The following CORO1C variants were observed in gnomAD, a reference collection of about 807,000 sequenced individuals.
CORO1C encodes coronin 1C.
CORO1C carries 14 observed loss-of-function variants against 51.2 expected under a neutral mutation model. The observed-to-expected ratio is 0.27, with a 90% CI of 0.18 to 0.43. The LOEUF is 0.43. Ranked by LOEUF, CORO1C falls within the 20% of genes least tolerant of loss-of-function variation. The pLI is 1.00. For missense variants in CORO1C, 417 were observed against 607.8 expected (o/e 0.69, Z 3.30); for synonymous variants, 181 against 210.5 (o/e 0.86, Z 1.21).
chr12:108,675,182 A>G (rs1212844065), intron 3 of CORO1C, among the ~76,000 whole-genome samples: 3 of 151,606 alleles, frequency 2.0e-5, no homozygotes, highest in Admixed American at 6.6e-5. Flanking sequence ...TTTTAAATGT[A>G]TATATATATA....
At chr12:108,699,088 T>A (rs989774469) in intron 2 of CORO1C, among the ~76,000 whole-genome samples, 5 of 152,310 alleles carry the variant, frequency 3.3e-5, no homozygotes, top group African/African-American at 1.2e-4. Flanking sequence ...TCGATGCTCC[T>A]CTAAAAAGCA....
intron 3 of CORO1C, among the ~76,000 whole-genome samples, chr12:108,664,385 G>T (rs1297079947): frequency 1.3e-5 from 2 of 152,180 alleles, no homozygotes; most frequent in East Asian, 3.8e-4. Context: ...CAGTTCTACT[G>T]TCCTGCAAAA....
At chr12:108,671,180 T>A (rs1189843818) in intron 3 of CORO1C, among the ~76,000 whole-genome samples, 1 of 151,432 alleles carries the variant, frequency 6.6e-6, no homozygotes, top group Non-Finnish European at 1.5e-5. Context: ...ACAAAAAAAA[T>A]AGAAAATTAG....
At chr12:108,649,131 C>A in intron 8 of CORO1C, 111 bp from the exon 9 acceptor site, 1 of 1,245,004 alleles carries the variant, frequency 8.0e-7, no homozygotes, top group Non-Finnish European at 1.2e-6. Flanking sequence ...TGCTTCTTTA[C>A]CCATCCCCAC....
chr12:108,715,478 C>G (rs1283698006), intron 1 of CORO1C, among the ~76,000 whole-genome samples: 1 of 152,154 alleles, frequency 6.6e-6, no homozygotes, highest in Admixed American at 6.5e-5. Context: ...GCAAGGATGA[C>G]ATGTTTACAA....
At chr12:108,730,604 C>G (rs1176605346) in intron 1 of CORO1C, 2 of 152,594 alleles carry the variant, frequency 1.3e-5, no homozygotes, top group African/African-American at 4.8e-5. Context: ...CCAGCTGCCC[C>G]GCTATTAGGG....
At chr12:108,651,497 C>T (rs930375513) in intron 8 of CORO1C, among the ~76,000 whole-genome samples, 9 of 152,158 alleles carry the variant, frequency 5.9e-5, no homozygotes, top group South Asian at 2.1e-4. Flanking sequence ...TAACCTACCG[C>T]CCCATTATAG....
chr12:108,683,097 G>C (rs2136839511), intron 2 of CORO1C, among the ~76,000 whole-genome samples: 1 of 152,250 alleles, frequency 6.6e-6, no homozygotes, highest in African/African-American at 2.4e-5. Flanking sequence ...GTTAGAAAAT[G>C]AACAGAGTAC....
At chr12:108,698,595 C>T (rs1173160039) in intron 2 of CORO1C, among the ~76,000 whole-genome samples, 2 of 152,144 alleles carry the variant, frequency 1.3e-5, no homozygotes, top group African/African-American at 2.4e-5. Flanking sequence ...TTAGTAGAGA[C>T]GAGGTTTCAC....
chr12:108,648,137 G>A (rs1438063765), intron 10 of CORO1C, among the ~76,000 whole-genome samples: 2 of 152,022 alleles, frequency 1.3e-5, no homozygotes, highest in African/African-American at 4.8e-5. Context: ...GCCCCACACC[G>A]CCAGATCCTT....
intron 1 of CORO1C, among the ~76,000 whole-genome samples, chr12:108,705,807 G>A (rs2035012489): frequency 6.6e-6 from 1 of 152,134 alleles, no homozygotes; most frequent in Admixed American, 6.6e-5. Flanking sequence ...AGGAATGCGA[G>A]GTTGGGTCAA....
At chr12:108,700,948 G>T in intron 2 of CORO1C, 176 bp downstream of exon 2, 1 of 695,952 alleles carries the variant, frequency 1.4e-6, no homozygotes, top group Non-Finnish European at 2.5e-6. Context: ...TCTATTTAAT[G>T]ATTCTCTGTT....
At position 108,658,599 on chromosome 12, in the gene CORO1C, TA is replaced by T; in HGVS notation, c.630+138del. On this transcript the variant is annotated intron_variant, in intron 5 of 10. Coordinates refer to ENST00000261401, the MANE Select transcript of CORO1C (RefSeq NM_014325.4). This position sits in a 1 kb window ranked among gnomAD's most constrained non-coding sequence, Gnocchi z 4.9. ...ACAACTGGGGAGACAGAAGCCTTTATAAGCCTTCTCTTATTCACAGTTGGTG... is the reference window on the plus strand; with the variant it reads ...ACAACTGGGGAGACAGAAGCCTTTATAGCCTTCTCTTATTCACAGTTGGTG... The T allele has an allele frequency of 1.4e-6, 1 of 722,662 alleles. No individual in the cohort carries two copies. The allele number at this position is 722,662 out of a possible 1,614,324, so 44.8% of individuals were successfully genotyped here.
intron 8 of CORO1C, 24 bp from the exon 9 acceptor site, chr12:108,649,044 A>G (rs1358236068): frequency 6.2e-7 from 1 of 1,611,850 alleles, no homozygotes; most frequent in African/African-American, 1.3e-5. Flanking sequence ...ATAAAGGCAA[A>G]GTTGCATTAA....
chr12:108,728,373 A>G lies in CORO1C; in HGVS notation c.-6+3056T>C, dbSNP rs539706317. 2.0e-4 allele frequency among the ~76,000 whole-genome samples: 30 copies of G among 152,314 alleles called. 1 individual carries two copies. The highest frequency in any genetic ancestry group is 1.0e-3 in the Admixed American group (16 of 15,288). The stretch of plus-strand genomic sequence containing the variant: ...AAAAAATGAAGTACTATACAATACT[A>G]CCACACATATAAACCTTGAAAATAT... On this transcript the variant is annotated intron_variant, in intron 1 of 10. Coordinates refer to ENST00000261401, the MANE Select transcript of CORO1C (RefSeq NM_014325.4).
intron 2 of CORO1C, among the ~76,000 whole-genome samples, chr12:108,697,377 C>T (rs1419520097): frequency 6.6e-6 from 1 of 152,120 alleles, no homozygotes; most frequent in Non-Finnish European, 1.5e-5. Context: ...AAAGCCATAC[C>T]CATCTTTTAA....
rs1039476621 is a variant in CORO1C, at chr12:108,670,424, G to A, written c.318+7848C>T. On this transcript the variant is annotated intron_variant, in intron 3 of 10. Coordinates refer to ENST00000261401, the MANE Select transcript of CORO1C (RefSeq NM_014325.4). ...CAGCACTCTCAAAATCACCCACAGC[G>A]GGCTCCCTTCCAGGATGGGCCCACA... Among the ~76,000 whole-genome samples the A allele has an allele frequency of 6.6e-5, 10 of 152,266 alleles. No homozygotes were observed. In the South Asian group the frequency reaches 1.9e-3, roughly 28 times the overall value.
At chr12:108,684,479 G>T (rs562577593) in intron 2 of CORO1C, among the ~76,000 whole-genome samples, 1 of 152,094 alleles carries the variant, frequency 6.6e-6, no homozygotes, top group African/African-American at 2.4e-5. Context: ...ATTTATTGCC[G>T]CATTGTTGGA....
At chr12:108,723,926 C>T (rs1001157216) in intron 1 of CORO1C, among the ~76,000 whole-genome samples, 3 of 152,158 alleles carry the variant, frequency 2.0e-5, no homozygotes, top group African/African-American at 7.2e-5. Context: ...ATCTTTAAAA[C>T]CACTGCTTAC....
Sources: allele counts gnomAD v4.1 joint callset (sites outside exome capture counted in the v4.1 genomes callset), GRCh38; gene constraint gnomAD v4.1.1; non-coding constraint Gnocchi (gnomAD v3.1); transcripts MANE v1.5; gene names NCBI Gene and HGNC (gene_info 2026-07-23, HGNC 2026-07-21).